Variants in ATP7A observed in about 807,000 individuals in gnomAD.
ATP7A encodes ATPase copper transporting alpha, also known as copper-transporting ATPase 1.
In ATP7A, 7 loss-of-function variants were observed where a neutral mutation model predicts 83.5. That is an observed-to-expected ratio of 0.08 (90% CI 0.05 to 0.16). The LOEUF is 0.16. ATP7A is among the 10% of genes least tolerant of loss of function. The probability of loss-of-function intolerance (pLI) is 1.00; values close to 1 mark genes in which losing one functional copy is unlikely to be tolerated. For missense variants in ATP7A, 940 were observed against 1,120.8 expected, an observed-to-expected ratio of 0.84 and a Z score of 2.30; for synonymous variants, 354 against 395.2, an observed-to-expected ratio of 0.90 and a Z score of 1.24.
chrX:77,947,459 A>G (rs1180437974), intron 1 of ATP7A, among the ~76,000 whole-genome samples: 3 of 105,893 alleles, frequency 2.8e-5, no homozygotes, highest in Non-Finnish European at 5.8e-5. Flanking sequence ...TTTTTTTGAG[A>G]CAGAGTCTTG....
intron 5 of ATP7A, among the ~76,000 whole-genome samples, chrX:78,000,217 C>T (rs151322798): frequency 0.031 from 3,444 of 111,000 alleles, 68 homozygotes; most frequent in Non-Finnish European, 0.039. Context: ...AGTTTAGCCT[C>T]CATTATTTCT....
Position 78,043,257 on chromosome X carries a change from G to A in ATP7A, c.4006-60G>A. On this transcript the variant is annotated intron_variant, in intron 20 of 22. Transcript: ENST00000341514. Reference sequence around the variant, plus strand: ...ATCTTCAACATACACAGTATCAAATGTAAAAGTTACTGGTTAAGTTAGAGT... The same window carrying A: ...ATCTTCAACATACACAGTATCAAATATAAAAGTTACTGGTTAAGTTAGAGT... 4.8e-6 allele frequency: 4 copies of A among 826,068 alleles called. No homozygotes were observed. The South Asian group carries it at 8.1e-5, about 17-fold the overall frequency. 68.1% of individuals were successfully genotyped at this position (826,068 alleles called of 1,213,427 possible).
intron 1 of ATP7A, among the ~76,000 whole-genome samples, chrX:77,937,046 C>T (rs2077323684): frequency 8.9e-6 from 1 of 112,599 alleles, no homozygotes; most frequent in Non-Finnish European, 1.9e-5. Flanking sequence ...TGTGAATAGG[C>T]ACTTCACCTA....
chrX:77,937,442 A>G (rs189858531), intron 1 of ATP7A, among the ~76,000 whole-genome samples: 3 of 112,378 alleles, frequency 2.7e-5, no homozygotes, highest in East Asian at 5.6e-4. Flanking sequence ...TGACTCAGCA[A>G]TCCTACTTCT....
At chrX:78,005,321 A>G (rs192948530) in intron 6 of ATP7A, among the ~76,000 whole-genome samples, 400 of 111,346 alleles carry the variant, frequency 3.6e-3, no homozygotes, top group African/African-American at 0.012. Context: ...AGTAAAAAAA[A>G]GTACAGAAAA....
At chrX:77,920,673 A>G (rs1452765474) in intron 1 of ATP7A, among the ~76,000 whole-genome samples, 4 of 111,204 alleles carry the variant, frequency 3.6e-5, no homozygotes, top group African/African-American at 1.3e-4. Context: ...ATAGTATTCC[A>G]TGGTGTATAT....
intron 6 of ATP7A, among the ~76,000 whole-genome samples, chrX:78,004,279 A>C (rs1407794886): frequency 2.7e-5 from 3 of 112,234 alleles, no homozygotes; most frequent in Admixed American, 9.5e-5. Context: ...GTATATACAC[A>C]TGATTAACAC....
intron 5 of ATP7A, among the ~76,000 whole-genome samples, chrX:78,002,845 T>C (rs950837441): frequency 8.5e-5 from 8 of 93,667 alleles, no homozygotes; most frequent in South Asian, 5.3e-4. Context: ...CACACACACA[T>C]AATTGAAAAT....
At chrX:77,967,214 C>T (rs781819975) in intron 1 of ATP7A, among the ~76,000 whole-genome samples, 2 of 111,936 alleles carry the variant, frequency 1.8e-5, no homozygotes, top group South Asian at 3.7e-4. Flanking sequence ...AGTAAACATA[C>T]GTGTGCATGT....
chrX:78,009,533 G>A, intron 7 of ATP7A: 1 of 315,087 alleles, frequency 3.2e-6, no homozygotes, highest in Non-Finnish European at 5.6e-6. Context: ...TTAGAAAATG[G>A]AAATAAAGTA....
rs781921642 is a variant in ATP7A, at chrX:77,915,986, G to T, written c.-22+5151G>T. ...TCTGTCCGCTTCAGCCTCCCAAAGT[G>T]CTGGGATTACAGGTTTGAGCTACCG... is the stretch of plus-strand genomic sequence containing the variant. On this transcript the variant is annotated intron_variant, in intron 1 of 22. Coordinates refer to ENST00000341514, the MANE Select transcript of ATP7A (RefSeq NM_000052.7). Among the ~76,000 whole-genome samples the T allele has an allele frequency of 8.9e-5, 10 of 112,156 alleles. 1 individual carries two copies. The South Asian group carries it at 3.6e-3, about 41-fold the overall frequency.
Position 78,048,142 on chromosome X carries a change from C to T in ATP7A, c.*1572C>T, listed in dbSNP as rs1160601576. The stretch of plus-strand genomic sequence containing the variant: ...TTAGTGTGGTTGGCAAATTTAGGAG[C>T]TTGTTCCCATTGCCAAATGGATTTA... On this transcript the variant is annotated 3_prime_UTR_variant, in exon 23 of 23. Transcript: ENST00000341514. 5 of 112,143 alleles carry T rather than the reference C, an allele frequency of 4.5e-5. No individual in the cohort carries two copies. The highest frequency in any genetic ancestry group is 7.5e-5 in the Non-Finnish European group (4 of 53,275). The allele number at this position is 112,143 out of a possible 1,213,427, so 9.2% of individuals were successfully genotyped here.
intron 1 of ATP7A, among the ~76,000 whole-genome samples, chrX:77,954,589 C>T (rs782720825): frequency 7.2e-4 from 80 of 111,867 alleles, no homozygotes; most frequent in African/African-American, 1.4e-3. Context: ...AAGGTTTATA[C>T]AATTTAAAAG....
chrX:78,026,912 G>C (rs782049092), intron 14 of ATP7A, among the ~76,000 whole-genome samples: 13 of 111,438 alleles, frequency 1.2e-4, no homozygotes, highest in Non-Finnish European at 1.5e-4. Context: ...ACTTTGGGAG[G>C]CCGAGGCGGG....
intron 17 of ATP7A, among the ~76,000 whole-genome samples, chrX:78,036,773 C>T (rs928885702): frequency 4.5e-5 from 5 of 110,348 alleles, no homozygotes; most frequent in African/African-American, 6.6e-5. Context: ...CCCAGCTACT[C>T]GGGAGGCTGA....
intron 1 of ATP7A, among the ~76,000 whole-genome samples, chrX:77,951,321 A>G (rs2077412504): frequency 9.0e-6 from 1 of 111,018 alleles, no homozygotes; most frequent in East Asian, 2.8e-4. Flanking sequence ...TTATTTTTAT[A>G]TTTTCCTAGT....
chrX:77,987,444 TTGTGTGTGTGTG>T (rs3986431), intron 2 of ATP7A, among the ~76,000 whole-genome samples: 32 of 85,859 alleles, frequency 3.7e-4, no homozygotes, highest in East Asian at 3.2e-3. Flanking sequence ...AACCCAGTAT[TTGTGTGTGTGTG>T]TGTGTGTGTG....
intron 1 of ATP7A, chrX:77,969,592 C>T (rs1557229368): frequency 8.3e-7 from 1 of 1,210,622 alleles, no homozygotes. Context: ...CTCCAGGTTC[C>T]ATGTGCTCTC....
At chrX:77,971,389 A>C (rs1340972575) in intron 1 of ATP7A, among the ~76,000 whole-genome samples, 1 of 112,560 alleles carries the variant, frequency 8.9e-6, no homozygotes, top group East Asian at 2.7e-4. Context: ...TTTTATTTTT[A>C]GTTAGCATAT....
Sources: allele counts gnomAD v4.1 joint callset (sites outside exome capture counted in the v4.1 genomes callset), GRCh38; gene constraint gnomAD v4.1.1; transcripts MANE v1.5; gene names NCBI Gene and HGNC (gene_info 2026-07-23, HGNC 2026-07-21).